The following F9 variants were observed in gnomAD, a reference collection of about 807,000 sequenced individuals.
The protein encoded by F9 is Christmas factor.
In F9, 2 loss-of-function variants were observed where a neutral mutation model predicts 34.1. The ratio of observed to expected loss-of-function variants is 0.06; its 90% confidence interval spans 0.02 to 0.18. The LOEUF is 0.18. F9 is among the 10% of genes least tolerant of loss of function. The pLI, the probability that F9 is intolerant of heterozygous loss-of-function variation, is 1.00. For synonymous variants in F9, 137 were observed against 118.8 expected (o/e 1.15, Z -1.00); for missense variants, 216 against 345.1 (o/e 0.63, Z 2.96).
chrX:139,559,355 C>A (rs1438456757), intron 6 of F9, among the ~76,000 whole-genome samples: 1 of 112,145 alleles, frequency 8.9e-6, no homozygotes, highest in African/African-American at 3.2e-5. Context: ...GAGATCGAGA[C>A]CATCCTGGCC....
Position 139,530,750 on chromosome X carries a change from C to G in F9, c.-15C>G, listed in dbSNP as rs375594466. 3.3e-6 allele frequency: 4 copies of G among 1,203,531 alleles called. No individual in the cohort carries two copies. The African/African-American group carries it at 6.9e-5, about 21-fold the overall frequency. On this transcript the variant is annotated 5_prime_UTR_variant, in exon 1 of 8. In the 5' UTR this introduces an upstream ATG that the reference lacks. Coordinates refer to ENST00000218099, the MANE Select transcript of F9 (RefSeq NM_000133.4). ...TAATCGACCTTACCACTTTCACAAT[C>G]TGCTAGCAAAGGTTATGCAGCGCGT...
chrX:139,536,833 T>C (rs1927486441), intron 1 of F9, among the ~76,000 whole-genome samples, 177 bp from the exon 2 acceptor site: 1 of 112,494 alleles, frequency 8.9e-6, no homozygotes, highest in African/African-American at 3.2e-5. Flanking sequence ...TTTTAATTCC[T>C]AAATCTCCAT....
chrX:139,558,943 G>T (rs1928033444), intron 6 of F9, among the ~76,000 whole-genome samples: 1 of 111,766 alleles, frequency 8.9e-6, no homozygotes, highest in Non-Finnish European at 1.9e-5. Context: ...GGGTGCTTAG[G>T]AGCACAAATT....
At chrX:139,537,310 AC>A in intron 2 of F9, 51 bp from the exon 3 acceptor site, 1 of 1,134,439 alleles carries the variant, frequency 8.8e-7, no homozygotes, top group Non-Finnish European at 1.2e-6. Context: ...GGAAATCAAT[AC>A]CAAAACACTT....
Position 139,562,123 on chromosome X carries a change from C to A in F9, c.*52C>A. 2 of 993,747 alleles carry A rather than the reference C, an allele frequency of 2.0e-6. No individual in the cohort carries two copies. The highest frequency in any genetic ancestry group is 2.9e-6 in the Non-Finnish European group (2 of 701,007). 81.9% of individuals were successfully genotyped at this position (993,747 alleles called of 1,213,427 possible). On this transcript the variant is annotated 3_prime_UTR_variant, in exon 8 of 8. Transcript: ENST00000218099. ...CATTGGAATTGAAAATTAACAGGGC[C>A]TCTCACTAACTAATCACTTTCCCAT...
intron 6 of F9, among the ~76,000 whole-genome samples, chrX:139,552,252 G>A (rs1927863202): frequency 9.0e-6 from 1 of 111,712 alleles, no homozygotes; most frequent in Admixed American, 9.4e-5. Flanking sequence ...CAGAAGCCGG[G>A]GTTCAAAACA....
At chrX:139,533,474 A>G (rs942637242) in intron 1 of F9, among the ~76,000 whole-genome samples, 4 of 112,636 alleles carry the variant, frequency 3.6e-5, no homozygotes, top group Non-Finnish European at 5.6e-5. Context: ...CATTACATAT[A>G]CATTAGCTAT....
intron 4 of F9, 69 bp from the exon 5 acceptor site, chrX:139,548,294 A>G (rs1603265468): frequency 1.1e-5 from 12 of 1,111,689 alleles, no homozygotes; most frequent in Non-Finnish European, 3.7e-6. Context: ...TACATGAGTC[A>G]GTAGTTCCAT....
chrX:139,556,663 G>A (rs4149727), intron 6 of F9, among the ~76,000 whole-genome samples: 2 of 111,995 alleles, frequency 1.8e-5, no homozygotes, highest in South Asian at 3.8e-4. Flanking sequence ...ATGTGTAATC[G>A]CACCTGGCTC....
chrX:139,556,087 TC>T (rs1350508333), intron 6 of F9, among the ~76,000 whole-genome samples: 1 of 111,363 alleles, frequency 9.0e-6, no homozygotes, highest in Non-Finnish European at 1.9e-5. Flanking sequence ...ACCTGGTTTT[TC>T]CATTTTCTGT....
At chrX:139,552,275 C>T (rs759780906) in intron 6 of F9, among the ~76,000 whole-genome samples, 1 of 112,354 alleles carries the variant, frequency 8.9e-6, no homozygotes, top group South Asian at 3.7e-4. Context: ...AAATAATGCA[C>T]TTGTACCTAG....
chrX:139,546,229 T>C (rs1927713265), intron 4 of F9, among the ~76,000 whole-genome samples: 1 of 112,210 alleles, frequency 8.9e-6, no homozygotes, highest in Non-Finnish European at 1.9e-5. Flanking sequence ...TCCAGCTCCA[T>C]TCATATTCCC....
chrX:139,532,248 C>T (rs1028513965), intron 1 of F9, among the ~76,000 whole-genome samples: 6 of 111,400 alleles, frequency 5.4e-5, no homozygotes, highest in African/African-American at 1.6e-4. Context: ...ATAATAAGCC[C>T]TTGAGGAAGG....
chrX:139,546,108 G>C (rs1022259636), intron 4 of F9, among the ~76,000 whole-genome samples: 1 of 110,859 alleles, frequency 9.0e-6, no homozygotes, highest in African/African-American at 3.3e-5. Context: ...TCCAGTATCT[G>C]TTGTTTCCTT....
chrX:139,560,037 C>T (rs1024748535), intron 6 of F9, among the ~76,000 whole-genome samples: 1 of 111,988 alleles, frequency 8.9e-6, no homozygotes, highest in African/African-American at 3.2e-5. Context: ...AGGCTCAATG[C>T]GTCACTGCTT....
chrX:139,559,292 C>T (rs765551833), intron 6 of F9, among the ~76,000 whole-genome samples: 5 of 112,504 alleles, frequency 4.4e-5, no homozygotes, highest in Non-Finnish European at 7.5e-5. Flanking sequence ...CAGTGGCTCA[C>T]GCCTGTAATC....
intron 6 of F9, among the ~76,000 whole-genome samples, chrX:139,552,397 G>A (rs1010740440): frequency 7.2e-5 from 8 of 111,628 alleles, no homozygotes; most frequent in Non-Finnish European, 1.5e-4. Context: ...TACATTTGTA[G>A]CAAAATCTGG....
intron 6 of F9, among the ~76,000 whole-genome samples, chrX:139,552,712 T>G (rs1165845364): frequency 8.9e-6 from 1 of 112,531 alleles, no homozygotes; most frequent in Non-Finnish European, 1.9e-5. Context: ...ACTGCAGAAA[T>G]TTCTATTGGA....
At chrX:139,538,036 C>G (rs758415629) in intron 3 of F9, among the ~76,000 whole-genome samples, 1 of 111,785 alleles carries the variant, frequency 8.9e-6, no homozygotes, top group Non-Finnish European at 1.9e-5. Context: ...AATACTTCAA[C>G]CTGCCCCAGT....
Sources: gnomAD v4.1 joint callset for allele counts (sites outside exome capture counted in the v4.1 genomes callset) on GRCh38, gnomAD v4.1.1 for gene constraint, MANE v1.5 for transcripts, NCBI Gene and HGNC (gene_info 2026-07-23, HGNC 2026-07-21) for gene names.